DNAJC5: variants seen among roughly 807,000 people sequenced by gnomAD.
The protein encoded by DNAJC5 is DnaJ heat shock protein family (Hsp40) member C5, also known as dnaJ homolog subfamily C member 5.
DNAJC5 carries 1 observed loss-of-function variant against 23.2 expected under a neutral mutation model. That is an observed-to-expected ratio of 0.04 (90% CI 0.02 to 0.20). DNAJC5 has a LOEUF of 0.20. DNAJC5 is among the 10% of genes least tolerant of loss of function. The pLI is 1.00. For synonymous variants in DNAJC5, 136 were observed against 120.0 expected (o/e 1.13, Z -0.87); for missense variants, 180 against 267.0 (o/e 0.67, Z 2.27).
At chr20:63,909,542 A>G (rs1358848435) in intron 1 of DNAJC5, among the ~76,000 whole-genome samples, 2 of 147,864 alleles carry the variant, frequency 1.4e-5, no homozygotes, top group Non-Finnish European at 3.0e-5. Flanking sequence ...ATTAGCCGGG[A>G]GCAGTGATGC....
rs151265913 is a variant in DNAJC5 at position 63,929,357 on chromosome 20, G to A, written c.153G>A (p.Pro51=). The A allele has an allele frequency of 2.1e-5, 34 of 1,613,992 alleles. No individual in the cohort carries two copies. Among genetic ancestry groups the A allele is most frequent in the Admixed American group, 1.0e-4 (6 of 59,992 alleles). ...ACCCCGACAAGAACCCCGACAACCC[G>A]GAGGCCGCGGACAAGTTTAAGGAGA... is the stretch of plus-strand genomic sequence containing the variant. ...KYHPDKNPDN[P]EAADKFKEIN... The change falls in exon 3 of 5, where the codon CCG becomes CCA. Residue 51 remains proline (P), a synonymous_variant. Coordinates refer to ENST00000360864, the MANE Select transcript of DNAJC5 (RefSeq NM_025219.3). The surrounding 1 kb of genome is among the most constrained non-coding windows in gnomAD (Gnocchi z 8.6).
At chr20:63,903,556 C>G (rs1419591434) in intron 1 of DNAJC5, among the ~76,000 whole-genome samples, 1 of 152,188 alleles carries the variant, frequency 6.6e-6, no homozygotes, top group Non-Finnish European at 1.5e-5. Context: ...GTCTGCGCAC[C>G]TTGGCCTCCC....
intron 1 of DNAJC5, among the ~76,000 whole-genome samples, chr20:63,904,363 A>G (rs1600861358): frequency 6.6e-6 from 1 of 152,210 alleles, no homozygotes; most frequent in Non-Finnish European, 1.5e-5. Flanking sequence ...TCATCCCGCC[A>G]GGTTGGGTAA....
At chr20:63,904,303 C>A (rs1368297410) in intron 1 of DNAJC5, among the ~76,000 whole-genome samples, 5 of 151,784 alleles carry the variant, frequency 3.3e-5, no homozygotes, top group Non-Finnish European at 5.9e-5. Flanking sequence ...CTTTTTTCCC[C>A]AAAATTACCT....
At chr20:63,923,268 C>G (rs1357941994) in intron 1 of DNAJC5, among the ~76,000 whole-genome samples, 1 of 152,002 alleles carries the variant, frequency 6.6e-6, no homozygotes, top group Non-Finnish European at 1.5e-5. Flanking sequence ...AAAGCCAGAC[C>G]GTGTCTCTAT....
chr20:63,913,692 G>A (rs1414723975), intron 1 of DNAJC5, among the ~76,000 whole-genome samples: 1 of 152,120 alleles, frequency 6.6e-6, no homozygotes, highest in Non-Finnish European at 1.5e-5. Flanking sequence ...TCCTGCCTCA[G>A]CCTCCCAAGT....
In DNAJC5 at chr20:63,929,648, CCGTGCGGG is replaced by C; in HGVS notation, c.321+125_321+132del. 7 of 863,180 alleles carry C rather than the reference CCGTGCGGG, an allele frequency of 8.1e-6. No homozygotes were observed. Among genetic ancestry groups the C allele is most frequent in the African/African-American group, 5.1e-5 (3 of 58,762 alleles). 53.5% of individuals were successfully genotyped at this position (863,180 alleles called of 1,614,324 possible). The stretch of plus-strand genomic sequence containing the variant: ...CGTGCGGGCACCCGAGTCTCTCCTG[CCGTGCGGG>C]CACCCGAGTCTCTCCTGCCGTGCGG... On this transcript the variant is annotated intron_variant, in intron 3 of 4. Transcript: ENST00000360864. The surrounding 1 kb of genome is among the most constrained non-coding windows in gnomAD (Gnocchi z 8.6).
Position 63,895,223 on chromosome 20 carries a change from T to A in DNAJC5, c.-112T>A. ...GCCGCCGCCGCCGCCGCCCGGGGTC[T>A]CCAGGCTGAGGAGTGCGTCGGCCGC... is the stretch of plus-strand genomic sequence containing the variant. On this transcript the variant is annotated 5_prime_UTR_variant, in exon 1 of 5. Coordinates refer to ENST00000360864, the MANE Select transcript of DNAJC5 (RefSeq NM_025219.3). 1 of 152,164 alleles carries A rather than the reference T, an allele frequency of 6.6e-6. No individual in the cohort carries two copies. The highest frequency in any genetic ancestry group is 1.8e-4 in the South Asian group (1 of 5,698). The allele number at this position is 152,164 out of a possible 1,614,324, so 9.4% of individuals were successfully genotyped here.
chr20:63,926,123 T>A (rs533360423), intron 1 of DNAJC5, among the ~76,000 whole-genome samples: 1 of 152,222 alleles, frequency 6.6e-6, no homozygotes, highest in Non-Finnish European at 1.5e-5. Context: ...CCACGGCGCC[T>A]GGCCTTCTGG....
chr20:63,913,899 A>G (rs891422025), intron 1 of DNAJC5, among the ~76,000 whole-genome samples: 4 of 152,144 alleles, frequency 2.6e-5, no homozygotes, highest in African/African-American at 9.7e-5. Flanking sequence ...CCTTCTTAGC[A>G]TCTGTATATT....
intron 1 of DNAJC5, among the ~76,000 whole-genome samples, chr20:63,925,562 C>G (rs539893973): frequency 2.8e-4 from 43 of 151,910 alleles, no homozygotes; most frequent in Admixed American, 7.2e-4. Context: ...GTGTGGCAAA[C>G]AGGAAGGCAA....
At chr20:63,925,259 A>G (rs1231072138) in intron 1 of DNAJC5, among the ~76,000 whole-genome samples, 1 of 152,140 alleles carries the variant, frequency 6.6e-6, no homozygotes, top group Non-Finnish European at 1.5e-5. Flanking sequence ...GCTGAGGCAG[A>G]CGGATCACAA....
intron 1 of DNAJC5, among the ~76,000 whole-genome samples, chr20:63,898,505 A>G (rs369804456): frequency 6.6e-6 from 1 of 152,140 alleles, no homozygotes; most frequent in Non-Finnish European, 1.5e-5. Flanking sequence ...AGACATAGAG[A>G]AGAGACCCTT....
Position 63,928,443 on chromosome 20 carries a change from A to G in DNAJC5, c.98A>G (p.Lys33Arg). ...AACGCAACCTCAGATGACATTAAAA[A>G]GTCCTATCGGTAAGTGGACAAGTGT... Reference protein sequence around the residue: ...DKNATSDDIKKSYRKLALKYH... With the variant: ...DKNATSDDIKRSYRKLALKYH... The change falls in exon 2 of 5, where the codon AAG (lysine) becomes AGG (arginine). Residue 33 changes from lysine (K) to arginine (R), a missense_variant. Physicochemically the swap from Lys to Arg is conservative, Grantham distance 26. Around this residue, in one of 3 missense-constraint regions of DNAJC5, gnomAD observed 77 missense variants for 106.8 expected, o/e 0.72. Coordinates refer to ENST00000360864, the MANE Select transcript of DNAJC5 (RefSeq NM_025219.3). This position sits in a 1 kb window ranked among gnomAD's most constrained non-coding sequence, Gnocchi z 4.6. 1.2e-6 allele frequency: 2 copies of G among 1,614,002 alleles called. No homozygotes were observed. Among genetic ancestry groups the G allele is most frequent in the Non-Finnish European group, 1.7e-6 (2 of 1,179,958 alleles).
rs1600888450 is a variant in DNAJC5 at position 63,931,270 on chromosome 20, G to C, written c.494-195G>C. Reference sequence around the variant, plus strand: ...GCGAGGCGGGGCAGGGCGGCAGGCAGTTGGGGCGGGGCTGAGGGCCGAGGG... The same window carrying C: ...GCGAGGCGGGGCAGGGCGGCAGGCACTTGGGGCGGGGCTGAGGGCCGAGGG... On this transcript the variant is annotated intron_variant, in intron 4 of 4. Coordinates refer to ENST00000360864, the MANE Select transcript of DNAJC5 (RefSeq NM_025219.3). This position sits in a 1 kb window ranked among gnomAD's most constrained non-coding sequence, Gnocchi z 9.6. The C allele has an allele frequency of 6.4e-6, 5 of 786,256 alleles. No individual in the cohort carries two copies. The highest frequency in any genetic ancestry group is 6.0e-5 in the South Asian group (4 of 66,728). The allele number at this position is 786,256 out of a possible 1,614,324, so 48.7% of individuals were successfully genotyped here.
chr20:63,897,249 C>T (rs6062329), intron 1 of DNAJC5, among the ~76,000 whole-genome samples: 1 of 152,100 alleles, frequency 6.6e-6, no homozygotes, highest in Non-Finnish European at 1.5e-5. Flanking sequence ...ACAAAATTAG[C>T]TGGGTGTGGT....
chr20:63,895,788 A>G (rs960629336), intron 1 of DNAJC5, among the ~76,000 whole-genome samples: 8 of 152,218 alleles, frequency 5.3e-5, no homozygotes, highest in Non-Finnish European at 7.3e-5. Context: ...ATTGTTCTGT[A>G]ACGCATCGTA....
intron 1 of DNAJC5, among the ~76,000 whole-genome samples, chr20:63,922,482 A>G (rs2053581237): frequency 6.6e-6 from 1 of 151,228 alleles, no homozygotes. Flanking sequence ...AAAAAAAAAA[A>G]TAGACATCAG....
At chr20:63,917,569 T>C (rs928440931) in intron 1 of DNAJC5, among the ~76,000 whole-genome samples, 6 of 151,478 alleles carry the variant, frequency 4.0e-5, no homozygotes, top group Admixed American at 3.9e-4. Context: ...TTATTATTTT[T>C]TTTTGAGATG....
Sources: gnomAD v4.1 joint callset for allele counts (sites outside exome capture counted in the v4.1 genomes callset) on GRCh38, gnomAD v4.1.1 for gene constraint, gnomAD v4.1.1 regional missense constraint, Gnocchi (gnomAD v3.1) non-coding constraint, MANE v1.5 for transcripts, NCBI Gene and HGNC (gene_info 2026-07-23, HGNC 2026-07-21) for gene names.